HPSE2: variants seen among roughly 807,000 people sequenced by gnomAD.
The protein encoded by HPSE2 is inactive heparanase-2.
A neutral mutation model predicts 60.5 loss-of-function variants in HPSE2; 38 were observed. The ratio of observed to expected loss-of-function variants is 0.63; its 90% confidence interval spans 0.48 to 0.82. The LOEUF (loss-of-function observed/expected upper bound fraction) is 0.82. Among genes scored for constraint, HPSE2 ranks in the 40% least tolerant of loss-of-function variants. HPSE2 has a pLI of 0.00. For synonymous variants in HPSE2, 295 were observed against 293.2 expected, an observed-to-expected ratio of 1.01 and a Z score of -0.06; for missense variants, 713 against 740.4, an observed-to-expected ratio of 0.96 and a Z score of 0.43.
At chr10:98,617,732 C>A (rs1393815331) in intron 8 of HPSE2, among the ~76,000 whole-genome samples, 1 of 152,168 alleles carries the variant, frequency 6.6e-6, no homozygotes, top group Non-Finnish European at 1.5e-5. Flanking sequence ...AAAGATGCTA[C>A]CCTGCCATTA....
chr10:99,138,565 A>G (rs928014695), intron 3 of HPSE2, among the ~76,000 whole-genome samples: 2 of 152,256 alleles, frequency 1.3e-5, no homozygotes, highest in African/African-American at 4.8e-5. Flanking sequence ...GCAGCCATAA[A>G]AAAAGGATGA....
chr10:98,831,946 G>A (rs1026919232), intron 3 of HPSE2, among the ~76,000 whole-genome samples: 1 of 152,198 alleles, frequency 6.6e-6, no homozygotes, highest in Non-Finnish European at 1.5e-5. Context: ...CTGGTAAAGA[G>A]GTTGGATAAT....
intron 3 of HPSE2, among the ~76,000 whole-genome samples, chr10:99,119,096 A>AGGGAGGCAGG (rs1564822378): frequency 8.5e-6 from 1 of 117,862 alleles, no homozygotes; most frequent in Non-Finnish European, 1.7e-5. Context: ...AAAGAGAGAG[A>AGGGAGGCAGG]GAGGGAGGGA....
chr10:98,483,646 G>C (rs776716179), intron 10 of HPSE2, among the ~76,000 whole-genome samples: 1 of 152,182 alleles, frequency 6.6e-6, no homozygotes, highest in African/African-American at 2.4e-5. Context: ...AATGAAATGT[G>C]AGTGGACATG....
chr10:98,702,963 AAACC>A (rs1948450413), intron 5 of HPSE2, among the ~76,000 whole-genome samples: 1 of 152,156 alleles, frequency 6.6e-6, no homozygotes, highest in Admixed American at 6.5e-5. Flanking sequence ...GATGCATGAA[AAACC>A]CTTCAAGAAA....
chr10:99,251,862 CAA>C, the HPSE2 span, among the ~76,000 whole-genome samples: 496 of 57,242 alleles, frequency 8.7e-3, 5 homozygotes, highest in East Asian at 0.05. Context: ...CTCTCTCTAC[CAA>C]AAAAAAAAAA....
chr10:98,851,120 A>C (rs1018738755), intron 3 of HPSE2, among the ~76,000 whole-genome samples: 10 of 152,240 alleles, frequency 6.6e-5, no homozygotes, highest in Non-Finnish European at 1.3e-4. Flanking sequence ...TAAACTGCTA[A>C]CCATACATGT....
chr10:99,216,346 C>T (rs1849126257), intron 2 of HPSE2, among the ~76,000 whole-genome samples: 1 of 152,060 alleles, frequency 6.6e-6, no homozygotes, highest in Non-Finnish European at 1.5e-5. Flanking sequence ...AAGCGCCTGC[C>T]ACCATGCCCT....
intron 3 of HPSE2, among the ~76,000 whole-genome samples, chr10:99,053,753 A>T: frequency 9.2e-6 from 1 of 108,558 alleles, no homozygotes; most frequent in Non-Finnish European, 1.8e-5. Context: ...TTTTTGAGAC[A>T]GAGTCATGCT....
chr10:98,610,803 T>C (rs902603315), intron 9 of HPSE2, among the ~76,000 whole-genome samples: 3 of 152,236 alleles, frequency 2.0e-5, no homozygotes, highest in African/African-American at 7.2e-5. Flanking sequence ...GAGGTGTCCA[T>C]GCTTTTTGAA....
intron 3 of HPSE2, among the ~76,000 whole-genome samples, chr10:99,004,388 A>G (rs1326190899): frequency 6.6e-6 from 1 of 151,920 alleles, no homozygotes; most frequent in Non-Finnish European, 1.5e-5. Context: ...CTCTAGAAGT[A>G]TGCTTTACCA....
At chr10:98,715,935 T>C (rs1948779020) in intron 5 of HPSE2, among the ~76,000 whole-genome samples, 2 of 152,196 alleles carry the variant, frequency 1.3e-5, no homozygotes, top group Non-Finnish European at 2.9e-5. Context: ...AAGACTTCTC[T>C]GTAGCATTCA....
At chr10:99,002,630 G>A (rs947459902) in intron 3 of HPSE2, among the ~76,000 whole-genome samples, 3 of 152,014 alleles carry the variant, frequency 2.0e-5, no homozygotes, top group Non-Finnish European at 4.4e-5. Flanking sequence ...CAGTCAAGAG[G>A]AGCCTAAAGA....
intron 9 of HPSE2, among the ~76,000 whole-genome samples, chr10:98,598,674 G>A (rs1945313892): frequency 6.6e-6 from 1 of 152,150 alleles, no homozygotes. Flanking sequence ...TGAGTCTGTG[G>A]AGGCAGACCT....
At chr10:99,104,569 C>T (rs953666231) in intron 3 of HPSE2, among the ~76,000 whole-genome samples, 2 of 152,092 alleles carry the variant, frequency 1.3e-5, no homozygotes, top group Admixed American at 6.5e-5. Context: ...TGGGTATATA[C>T]CCAAAGGATT....
intron 11 of HPSE2, among the ~76,000 whole-genome samples, chr10:98,476,147 A>G (rs1421466628): frequency 1.5e-4 from 23 of 151,734 alleles, no homozygotes; most frequent in African/African-American, 4.8e-4. Context: ...GCAGCCATAA[A>G]AAATGATGAG....
At chr10:98,597,728 C>A (rs189359566) in intron 9 of HPSE2, among the ~76,000 whole-genome samples, 1 of 150,874 alleles carries the variant, frequency 6.6e-6, no homozygotes, top group Non-Finnish European at 1.5e-5. Flanking sequence ...GTAATCCCAG[C>A]ATCATGGGAG....
At chr10:98,644,764 G>A (rs1270368147) in intron 6 of HPSE2, among the ~76,000 whole-genome samples, 1 of 152,122 alleles carries the variant, frequency 6.6e-6, no homozygotes, top group African/African-American at 2.4e-5. Flanking sequence ...ACCCAGAAAT[G>A]GTCCAATTGC....
At chr10:98,530,149 C>G (rs1474539283) in intron 9 of HPSE2, among the ~76,000 whole-genome samples, 1 of 152,102 alleles carries the variant, frequency 6.6e-6, no homozygotes, top group Non-Finnish European at 1.5e-5. Context: ...ATTTGTATTT[C>G]TAGACAGATG....
Sources: gnomAD v4.1 joint callset for allele counts (sites outside exome capture counted in the v4.1 genomes callset) on GRCh38, gnomAD v4.1.1 for gene constraint, MANE v1.5 for transcripts, NCBI Gene and HGNC (gene_info 2026-07-23, HGNC 2026-07-21) for gene names.